Variants in SMG1 observed in about 807,000 individuals in gnomAD.
SMG1 encodes the protein SMG1 nonsense mediated mRNA decay associated PI3K related kinase.
SMG1 carries 22 observed loss-of-function variants against 419.9 expected under a neutral mutation model. The ratio of observed to expected loss-of-function variants is 0.05; its 90% confidence interval spans 0.04 to 0.07. The LOEUF is 0.07. SMG1 is among the 10% of genes least tolerant of loss of function. The pLI is 1.00. For missense variants in SMG1, 3,185 were observed against 4,342.0 expected (o/e 0.73, Z 7.49); for synonymous variants, 1,538 against 1,553.5 (o/e 0.99, Z 0.23).
chr16:18,836,464 T>C lies in SMG1; in HGVS notation c.7673A>G (p.Asn2558Ser), dbSNP rs2141260796. 1 of 1,614,088 alleles carries C rather than the reference T, an allele frequency of 6.2e-7. No homozygotes were observed. Among genetic ancestry groups the C allele is most frequent in the Middle Eastern group, 1.6e-4 (1 of 6,062 alleles). Residue 2558 changes from asparagine to serine, a missense_variant, in exon 47 of 63, where the codon AAT (asparagine) becomes AGT (serine). This residue lies in a region of SMG1 where 412 missense variants were observed against 546.6 expected (regional missense o/e 0.75). Coordinates refer to ENST00000446231, the MANE Select transcript of SMG1 (RefSeq NM_015092.5). ...ATGTGTTATCCATTGTTCAAATTCATTCAGCTTCACCTGGATTGCTTCCTG... is the reference window on the plus strand; with the variant it reads ...ATGTGTTATCCATTGTTCAAATTCACTCAGCTTCACCTGGATTGCTTCCTG... ...AVQEAIQVKL[N>S]EFEQWITHYQ...
rs562675851 is a variant in SMG1 at position 18,893,232 on chromosome 16, G to C, written c.413-878C>G. Among the ~76,000 whole-genome samples the C allele has an allele frequency of 4.3e-4, 66 of 152,326 alleles. No homozygotes were observed. The South Asian group carries it at 0.012, about 28-fold the overall frequency. ...CCACATGCAAGGCATGCCTCCACTA[G>C]AAAGGTAGCAAACCACAACTTTTCT... On this transcript the variant is annotated intron_variant, in intron 3 of 62. Coordinates refer to ENST00000446231, the MANE Select transcript of SMG1 (RefSeq NM_015092.5).
Position 18,926,336 on chromosome 16 carries a change from C to G in SMG1, c.-295G>C, listed in dbSNP as rs187652449. 8.2e-6 allele frequency: 3 copies of G among 366,026 alleles called. No individual in the cohort carries two copies. Among genetic ancestry groups the G allele is most frequent in the Non-Finnish European group, 1.5e-5 (3 of 203,746 alleles). 22.7% of individuals were successfully genotyped at this position (366,026 alleles called of 1,614,324 possible). A position where few individuals can be genotyped will look rare whatever the true frequency, so the allele number is the denominator to read the frequency against. The stretch of plus-strand genomic sequence containing the variant: ...TTCCAGGGCCGTGCGCGGCCCACGT[C>G]GCCGGGGCCCCGGAGGACGAGGACG... On this transcript the variant is annotated 5_prime_UTR_variant, in exon 1 of 63. Transcript: ENST00000446231.
intron 1 of SMG1, among the ~76,000 whole-genome samples, chr16:18,919,657 TACACACACACACACACACACACAC>T (rs368125844): frequency 1.6e-5 from 2 of 125,748 alleles, no homozygotes; most frequent in South Asian, 2.7e-4. Context: ...TGTGTATATA[TACACACACACACACACACACACAC>T]ACACACACAC....
At chr16:18,851,416 C>T (rs181585853) in intron 33 of SMG1, among the ~76,000 whole-genome samples, 7 of 152,378 alleles carry the variant, frequency 4.6e-5, no homozygotes, top group East Asian at 1.9e-4. Context: ...CACGCGCACG[C>T]GCACACACGT....
At chr16:18,898,986 A>G (rs1223280615) in intron 1 of SMG1, among the ~76,000 whole-genome samples, 6 of 152,192 alleles carry the variant, frequency 3.9e-5, no homozygotes, top group Non-Finnish European at 7.4e-5. Context: ...CCTACCTAAC[A>G]TGCAAGGTTG....
At position 18,887,672 on chromosome 16, in the gene SMG1, T is replaced by TAAAAAA. The variant is rs368196825; in HGVS notation, c.822+1694_822+1699dup. Among the ~76,000 whole-genome samples the TAAAAAA allele has an allele frequency of 1.5e-3, 100 of 65,680 alleles. 2 individuals carry two copies. Among genetic ancestry groups the TAAAAAA allele is most frequent in the Non-Finnish European group, 2.0e-3 (76 of 38,028 alleles). 43.1% of individuals were successfully genotyped at this position (65,680 alleles called of 152,430 possible). Reference sequence around the variant, plus strand: ...CCCAGTTAAAAATACACTTTTTATTTAAAAAAAAAAAAAAAAAAAAAAGAA... The same window carrying TAAAAAA: ...CCCAGTTAAAAATACACTTTTTATTTAAAAAAAAAAAAAAAAAAAAAAAAAAAAGAA... On this transcript the variant is annotated intron_variant, in intron 6 of 62. Coordinates refer to ENST00000446231, the MANE Select transcript of SMG1 (RefSeq NM_015092.5).
chr16:18,913,341 T>C (rs761047795), intron 1 of SMG1, among the ~76,000 whole-genome samples: 1 of 152,084 alleles, frequency 6.6e-6, no homozygotes, highest in Non-Finnish European at 1.5e-5. Flanking sequence ...GAGAATTAAA[T>C]ACTCCAAGAT....
chr16:18,830,803 G>A (rs2033124608), intron 51 of SMG1, among the ~76,000 whole-genome samples: 1 of 151,964 alleles, frequency 6.6e-6, no homozygotes, highest in Admixed American at 6.6e-5. Flanking sequence ...CAAAAAAAAA[G>A]AAGGAATGTT....
At position 18,926,162 on chromosome 16, in the gene SMG1, G is replaced by C; in HGVS notation, c.-121C>G. 1.5e-6 allele frequency: 1 copy of C among 646,328 alleles called. No individual in the cohort carries two copies. The allele number at this position is 646,328 out of a possible 1,614,324, so 40.0% of individuals were successfully genotyped here. On this transcript the variant is annotated 5_prime_UTR_variant, in exon 1 of 63. Transcript: ENST00000446231. ...GGCTGAGGAGGAAGCCGAGAAGGAG[G>C]AGGAGGAGGAGGAGGAGGAGAAGGA...
chr16:18,901,165 T>G (rs2037331633), intron 1 of SMG1, among the ~76,000 whole-genome samples: 1 of 152,184 alleles, frequency 6.6e-6, no homozygotes, highest in African/African-American at 2.4e-5. Context: ...GTAAAACTAG[T>G]TTAACTACCT....
intron 10 of SMG1, among the ~76,000 whole-genome samples, chr16:18,881,007 G>A (rs1347808928): frequency 1.3e-5 from 2 of 150,242 alleles, no homozygotes; most frequent in East Asian, 2.0e-4. Flanking sequence ...ACACTCGCTT[G>A]TAGGGCTGAG....
chr16:18,836,738 C>G (rs1296430184), intron 46 of SMG1, among the ~76,000 whole-genome samples: 1 of 152,150 alleles, frequency 6.6e-6, no homozygotes, highest in Admixed American at 6.5e-5. Flanking sequence ...TTAAAACTGC[C>G]ACATCTGCCA....
At chr16:18,817,126 G>GGGT (rs529054933) in intron 57 of SMG1, among the ~76,000 whole-genome samples, 165 bp downstream of exon 57, 1 of 87,498 alleles carries the variant, frequency 1.1e-5, no homozygotes, top group Non-Finnish European at 2.1e-5. Context: ...GGCGGGGGGG[G>GGGT]GGGCGCTAAG....
rs1397149475 is a variant in SMG1, at chr16:18,868,691, T to G, written c.2862A>C (p.Thr954=). The change falls in exon 21 of 63, where the codon ACA becomes ACC. Residue 954 remains threonine, a synonymous_variant. Coordinates refer to ENST00000446231, the MANE Select transcript of SMG1 (RefSeq NM_015092.5). ...GACTAACATCCTGATCAGGGTTTAATGTGTGAGCTGCGAGACTTCGAATGA... is the reference window on the plus strand; with the variant it reads ...GACTAACATCCTGATCAGGGTTTAAGGTGTGAGCTGCGAGACTTCGAATGA... ...EGIIRSLAAH[T]LNPDQDVSQW... is the part of the protein sequence containing the mutation. The G allele has an allele frequency of 7.1e-7, 1 of 1,416,236 alleles. No homozygotes were observed. The highest frequency in any genetic ancestry group is 9.8e-7 in the Non-Finnish European group (1 of 1,019,016). 87.7% of individuals were successfully genotyped at this position (1,416,236 alleles called of 1,614,324 possible). A position where few individuals can be genotyped will look rare whatever the true frequency, so the allele number is the denominator to read the frequency against.
intron 41 of SMG1, among the ~76,000 whole-genome samples, chr16:18,840,381 T>G (rs1195724378): frequency 6.6e-6 from 1 of 152,226 alleles, no homozygotes; most frequent in Non-Finnish European, 1.5e-5. Flanking sequence ...CCTTCTCTAA[T>G]TACTATTTGA....
intron 35 of SMG1, 45 bp downstream of exon 35, chr16:18,849,904 C>A: frequency 6.4e-7 from 1 of 1,568,510 alleles, no homozygotes; most frequent in South Asian, 1.2e-5. Context: ...CTTATATATC[C>A]TAGTGAGAAA....
chr16:18,892,074 A>G, intron 4 of SMG1, 144 bp downstream of exon 4: 2 of 651,912 alleles, frequency 3.1e-6, no homozygotes, highest in Non-Finnish European at 5.4e-6. Flanking sequence ...CTTTAAGAAG[A>G]AAAAGAAATT....
intron 4 of SMG1, among the ~76,000 whole-genome samples, chr16:18,891,124 C>CA (rs1363741780): frequency 3.3e-5 from 5 of 152,152 alleles, no homozygotes; most frequent in Non-Finnish European, 5.9e-5. Context: ...ACTGGAAACA[C>CA]AGAGCTGTGA....
At chr16:18,919,389 C>A (rs2038097302) in intron 1 of SMG1, among the ~76,000 whole-genome samples, 1 of 151,770 alleles carries the variant, frequency 6.6e-6, no homozygotes, top group African/African-American at 2.4e-5. Flanking sequence ...CTTTGGGAGG[C>A]TGAGGCGGGC....
Sources: gnomAD v4.1 joint callset for allele counts (sites outside exome capture counted in the v4.1 genomes callset) on GRCh38, gnomAD v4.1.1 for gene constraint, gnomAD v4.1.1 regional missense constraint, MANE v1.5 for transcripts, NCBI Gene and HGNC (gene_info 2026-07-23, HGNC 2026-07-21) for gene names.